The following CFAP65 variants were observed in gnomAD, a reference collection of about 807,000 sequenced individuals.
The protein encoded by CFAP65 is cilia- and flagella-associated protein 65.
CFAP65 carries 155 observed loss-of-function variants against 208.0 expected under a neutral mutation model. That is an observed-to-expected ratio of 0.75 (90% CI 0.65 to 0.85). The LOEUF (loss-of-function observed/expected upper bound fraction) is 0.85. Ranked by LOEUF, CFAP65 falls within the 40% of genes least tolerant of loss-of-function variation. The pLI is 0.00. For synonymous variants in CFAP65, 970 were observed against 986.3 expected (o/e 0.98, Z 0.31); for missense variants, 2,294 against 2,451.3 (o/e 0.94, Z 1.36).
rs201927766 is a variant in CFAP65, at chr2:219,015,982, A to G, written c.3603-1938T>C. 4.2e-3 allele frequency among the ~76,000 whole-genome samples: 645 copies of G among 152,322 alleles called. 22 individuals carry two copies. In the East Asian group the frequency reaches 0.074, roughly 18 times the overall value. ...TAGTATTGGGCCATTACTGTAAAAA[A>G]AAAGGAAAGAGAACCGCTCTGTAAA... On this transcript the variant is annotated intron_variant, in intron 21 of 34. Coordinates refer to ENST00000341552, the MANE Select transcript of CFAP65 (RefSeq NM_194302.4).
chr2:219,022,480 A>G, intron 16 of CFAP65, 151 bp from the exon 17 acceptor site: 1 of 804,368 alleles, frequency 1.2e-6, no homozygotes. Context: ...ACATGTATGG[A>G]GTCTCCCCAA....
intron 17 of CFAP65, 48 bp from the exon 18 acceptor site, chr2:219,021,978 A>C (rs1163671115): frequency 6.2e-7 from 1 of 1,606,852 alleles, no homozygotes. Flanking sequence ...CTCCAGGCCC[A>C]CAGCCCCACT....
intron 21 of CFAP65, 63 bp from the exon 22 acceptor site, chr2:219,014,107 C>T (rs1004427068): frequency 8.5e-5 from 123 of 1,441,848 alleles, no homozygotes; most frequent in Non-Finnish European, 1.1e-4. Context: ...GGCAGGGGCT[C>T]TGAGACCCTG....
chr2:219,023,902 G>T, intron 15 of CFAP65, 113 bp downstream of exon 15: 1 of 1,294,440 alleles, frequency 7.7e-7, no homozygotes, highest in Non-Finnish European at 1.1e-6. Flanking sequence ...TCCTGGAGGA[G>T]AAGTGGCCCC....
At chr2:219,007,888 C>G (rs189113540) in intron 29 of CFAP65, among the ~76,000 whole-genome samples, 1 of 151,562 alleles carries the variant, frequency 6.6e-6, no homozygotes, top group Admixed American at 6.6e-5. Context: ...GTATGATCTC[C>G]GCTCACTGCA....
chr2:219,023,263 G>C lies in CFAP65; in HGVS notation c.2764C>G (p.Arg922Gly). ...GAGGGCTGGACAGCCAGCAGCTTTC[G>C]ATGCTGCTCAGAGACCCTCCACTCG... ...QFEWRVSEQH[R>G]KLLAVQPSRG... is the part of the protein sequence containing the mutation. The change falls in exon 16 of 35, where the codon CGA becomes GGA. Residue 922 changes from arginine to glycine, a missense_variant. Coordinates refer to ENST00000341552, the MANE Select transcript of CFAP65 (RefSeq NM_194302.4). The C allele has an allele frequency of 1.2e-6, 2 of 1,613,070 alleles. No homozygotes were observed. Among genetic ancestry groups the C allele is most frequent in the Non-Finnish European group, 1.7e-6 (2 of 1,179,916 alleles).
chr2:219,006,560 G>A (rs1559115172), intron 29 of CFAP65, 51 bp from the exon 30 acceptor site: 2 of 1,587,912 alleles, frequency 1.3e-6, no homozygotes, highest in Non-Finnish European at 1.7e-6. Flanking sequence ...CCGGCCGGGG[G>A]TGGTGCTTCA....
At chr2:219,022,012 TC>T in intron 17 of CFAP65, 82 bp from the exon 18 acceptor site, 2 of 1,577,324 alleles carry the variant, frequency 1.3e-6, no homozygotes, top group Non-Finnish European at 1.7e-6. Flanking sequence ...TTTCAGAGCA[TC>T]CCCCAAGGAA....
intron 14 of CFAP65, among the ~76,000 whole-genome samples, chr2:219,024,464 C>T (rs1187837262): frequency 2.1e-5 from 2 of 93,974 alleles, no homozygotes; most frequent in Non-Finnish European, 3.4e-5. Flanking sequence ...CCAGAGACCT[C>T]CAGAAAGGGG....
rs374114315 is a variant in CFAP65 at position 219,009,095 on chromosome 2, C to A, written c.4626G>T (p.Glu1542Asp). Residue 1542 changes from glutamate (E) to aspartate (D), a missense_variant, in exon 29 of 35, where the codon GAG (glutamate) becomes GAT (aspartate). Transcript: ENST00000341552. ...YHKELQEWKD[E>D]KVRQEVEFTI... Reference sequence around the variant, plus strand: ...TGAACTCCACTTCCTGCCGCACCTTCTCGTCCTTCCACTCCTGCAGCTCCT... The same window carrying A: ...TGAACTCCACTTCCTGCCGCACCTTATCGTCCTTCCACTCCTGCAGCTCCT... The A allele has an allele frequency of 6.2e-7, 1 of 1,612,970 alleles. No homozygotes were observed. The highest frequency in any genetic ancestry group is 8.5e-7 in the Non-Finnish European group (1 of 1,179,974).
Position 219,027,971 on chromosome 2 carries a change from G to C in CFAP65, c.1890C>G (p.Ile630Met), listed in dbSNP as rs1219579551. The C allele has an allele frequency of 2.0e-6, 3 of 1,519,238 alleles. No individual in the cohort carries two copies. Among genetic ancestry groups the C allele is most frequent in the African/African-American group, 1.4e-5 (1 of 71,764 alleles). 94.1% of individuals were successfully genotyped at this position (1,519,238 alleles called of 1,614,324 possible). A position where few individuals can be genotyped will look rare whatever the true frequency, so the allele number is the denominator to read the frequency against. The change falls in exon 13 of 35, where the codon ATC becomes ATG. Residue 630 changes from isoleucine (I) to methionine (M), a missense_variant. Physicochemically the swap from Ile to Met is conservative, Grantham distance 10. This residue lies in a region of CFAP65 where 867 missense variants were observed against 1,012.6 expected (regional missense o/e 0.86). Transcript: ENST00000341552. The part of the protein sequence containing the change: ...EDMPAPQYPY[I>M]PPMTEFFFDG... ...CGAAGAAGAACTCGGTCATGGGGGG[G>C]ATATAAGGGTACTGCGGGGCCGGCA... is the stretch of plus-strand genomic sequence containing the variant.
intron 10 of CFAP65, 146 bp from the exon 11 acceptor site, chr2:219,029,814 G>C: frequency 8.6e-7 from 1 of 1,157,152 alleles, no homozygotes; most frequent in Non-Finnish European, 1.2e-6. Flanking sequence ...ATGCCAGTGG[G>C]ACTGGGATCT....
Position 219,031,496 on chromosome 2 carries a change from T to C in CFAP65, c.808A>G (p.Asn270Asp). Residue 270 changes from asparagine to aspartate, a missense_variant, in exon 7 of 35, where the codon AAT becomes GAT. Coordinates refer to ENST00000341552, the MANE Select transcript of CFAP65 (RefSeq NM_194302.4). The surrounding 1 kb of genome is among the most constrained non-coding windows in gnomAD (Gnocchi z 5.2). The part of the protein sequence containing the change: ...DTTEAFFCLD[N>D]VGDLPTFFTW... Reference sequence around the variant, plus strand: ...CCTCAGCCTCTTCCTCACCCCACATTATCCAGGCAGAAAAAGGCCTCAGTC... The same window carrying C: ...CCTCAGCCTCTTCCTCACCCCACATCATCCAGGCAGAAAAAGGCCTCAGTC... The C allele has an allele frequency of 6.2e-7, 1 of 1,614,080 alleles. No homozygotes were observed. Among genetic ancestry groups the C allele is most frequent in the Non-Finnish European group, 8.5e-7 (1 of 1,180,004 alleles).
intron 16 of CFAP65, 137 bp from the exon 17 acceptor site, chr2:219,022,466 C>A: frequency 1.1e-6 from 1 of 943,348 alleles, no homozygotes; most frequent in Non-Finnish European, 1.6e-6. Flanking sequence ...GCATTGTACA[C>A]GGCACATGTA....
intron 13 of CFAP65, chr2:219,027,106 A>C: frequency 2.8e-6 from 3 of 1,057,244 alleles, no homozygotes; most frequent in East Asian, 7.6e-5. Context: ...TCAAGAAGGA[A>C]GGGATGGGCA....
At chr2:219,018,739 C>A (rs914208307) in intron 21 of CFAP65, 4 of 348,524 alleles carry the variant, frequency 1.1e-5, no homozygotes, top group African/African-American at 8.3e-5. Flanking sequence ...TTGTAAAGCG[C>A]AGGTCCTGGC....
At chr2:219,012,658 C>T (rs1946566167) in intron 24 of CFAP65, among the ~76,000 whole-genome samples, 1 of 152,222 alleles carries the variant, frequency 6.6e-6, no homozygotes. Context: ...AACTGTATTG[C>T]CTTCAATCAG....
chr2:219,026,864 C>T (rs898266643), intron 13 of CFAP65: 60 of 986,478 alleles, frequency 6.1e-5, no homozygotes, highest in Non-Finnish European at 7.0e-5. Flanking sequence ...AACATCACCC[C>T]ACTGCCAGAG....
Position 219,004,554 on chromosome 2 carries a change from C to G in CFAP65, c.5052-99G>C. On this transcript the variant is annotated intron_variant, in intron 32 of 34. Coordinates refer to ENST00000341552, the MANE Select transcript of CFAP65 (RefSeq NM_194302.4). This position sits in a 1 kb window ranked among gnomAD's most constrained non-coding sequence, Gnocchi z 4.7. Reference sequence around the variant, plus strand: ...TAGGTTCTAGGTGGGAAAGGGGCTGCTAGGTGGGGAGAGGGGAGCCCTTGG... The same window carrying G: ...TAGGTTCTAGGTGGGAAAGGGGCTGGTAGGTGGGGAGAGGGGAGCCCTTGG... 7.4e-7 allele frequency: 1 copy of G among 1,346,720 alleles called. No individual in the cohort carries two copies. 83.4% of individuals were successfully genotyped at this position (1,346,720 alleles called of 1,614,324 possible).
Sources: gnomAD v4.1 joint callset for allele counts (sites outside exome capture counted in the v4.1 genomes callset) on GRCh38, gnomAD v4.1.1 for gene constraint, gnomAD v4.1.1 regional missense constraint, Gnocchi (gnomAD v3.1) non-coding constraint, MANE v1.5 for transcripts, NCBI Gene and HGNC (gene_info 2026-07-23, HGNC 2026-07-21) for gene names.